Variants in CATSPERE observed in about 807,000 individuals in gnomAD.
CATSPERE encodes the protein cation channel sperm-associated auxiliary subunit epsilon.
CATSPERE carries 93 observed loss-of-function variants against 114.1 expected under a neutral mutation model. The observed-to-expected ratio is 0.81, with a 90% CI of 0.69 to 0.97. The LOEUF (loss-of-function observed/expected upper bound fraction) is 0.97. Ranked by LOEUF, CATSPERE falls within the 50% of genes least tolerant of loss-of-function variation. The pLI is 0.00. For synonymous variants in CATSPERE, 341 were observed against 384.1 expected (o/e 0.89, Z 1.31); for missense variants, 1,058 against 1,131.6 (o/e 0.93, Z 0.93).
chr1:244,465,420 T>A (rs990485378), intron 2 of CATSPERE, among the ~76,000 whole-genome samples: 3 of 152,234 alleles, frequency 2.0e-5, no homozygotes, highest in Non-Finnish European at 4.4e-5. Context: ...TTTTTACCTT[T>A]AAAATATAGG....
At chr1:244,637,202 A>G (rs1674736259) in intron 21 of CATSPERE, among the ~76,000 whole-genome samples, 1 of 151,876 alleles carries the variant, frequency 6.6e-6, no homozygotes, top group South Asian at 2.1e-4. Flanking sequence ...CACAAAACCT[A>G]CCCGATCCTT....
rs1572771097 is a variant in CATSPERE, at chr1:244,563,752, T to C, written c.1507+2607T>C. ...AGTTTCTTTTGCTGTGCAGAAGCTC[T>C]TTAGTTTAATTAGATCCCATTTGTC... On this transcript the variant is annotated intron_variant, in intron 10 of 21. Transcript: ENST00000366534. Among the ~76,000 whole-genome samples the C allele has an allele frequency of 2.0e-5, 3 of 152,242 alleles. No individual in the cohort carries two copies. In the East Asian group the frequency reaches 5.8e-4, roughly 29 times the overall value.
intron 7 of CATSPERE, among the ~76,000 whole-genome samples, chr1:244,515,680 G>T (rs1262685790): frequency 6.6e-6 from 1 of 152,068 alleles, no homozygotes; most frequent in Non-Finnish European, 1.5e-5. Context: ...AAGTAAGAAT[G>T]TTTCAAACGG....
At chr1:244,505,936 G>A (rs773719069) in intron 7 of CATSPERE, among the ~76,000 whole-genome samples, 6 of 152,092 alleles carry the variant, frequency 3.9e-5, no homozygotes, top group Non-Finnish European at 5.9e-5. Flanking sequence ...AACCCGGGAG[G>A]CGGAGGTTGC....
At chr1:244,584,114 T>C (rs1463159575) in intron 13 of CATSPERE, among the ~76,000 whole-genome samples, 175 bp downstream of exon 13, 1 of 152,194 alleles carries the variant, frequency 6.6e-6, no homozygotes, top group African/African-American at 2.4e-5. Context: ...TCTGCACTTA[T>C]TTCTTCAAAA....
chr1:244,596,789 A>AG (rs1490639431), intron 17 of CATSPERE, among the ~76,000 whole-genome samples: 112 of 152,018 alleles, frequency 7.4e-4, no homozygotes, highest in African/African-American at 2.6e-3. Flanking sequence ...AAAAAAAAAA[A>AG]AAAGAAAATG....
chr1:244,491,433 A>G (rs974229942), intron 6 of CATSPERE, among the ~76,000 whole-genome samples: 18 of 152,128 alleles, frequency 1.2e-4, no homozygotes, highest in African/African-American at 3.4e-4. Context: ...TCTCTGGGAC[A>G]CATTCAAAGC....
chr1:244,550,753 C>T (rs1478294243), intron 8 of CATSPERE, among the ~76,000 whole-genome samples: 3 of 152,168 alleles, frequency 2.0e-5, no homozygotes, highest in African/African-American at 7.2e-5. Flanking sequence ...GTCCGCTTCA[C>T]CTGGGTCCTG....
At chr1:244,500,630 G>A (rs1673886594) in intron 7 of CATSPERE, among the ~76,000 whole-genome samples, 1 of 152,098 alleles carries the variant, frequency 6.6e-6, no homozygotes, top group Non-Finnish European at 1.5e-5. Context: ...ATTTTTGTCA[G>A]GTTTGTCGAA....
intron 8 of CATSPERE, among the ~76,000 whole-genome samples, chr1:244,542,036 T>C (rs187725510): frequency 0.056 from 7,840 of 140,480 alleles, 817 homozygotes; most frequent in African/African-American, 0.2. Context: ...AGGGATAGCA[T>C]TGGGAGATAT....
chr1:244,523,304 T>C (rs1677926789), intron 8 of CATSPERE, among the ~76,000 whole-genome samples: 1 of 146,514 alleles, frequency 6.8e-6, no homozygotes, highest in Non-Finnish European at 1.5e-5. Context: ...TGCTAAAAAC[T>C]CTCAGTAAAT....
intron 6 of CATSPERE, among the ~76,000 whole-genome samples, chr1:244,495,972 C>T (rs942382032): frequency 1.3e-5 from 2 of 152,122 alleles, no homozygotes; most frequent in Admixed American, 6.6e-5. Flanking sequence ...AGCGCCCAGG[C>T]GGAAGTGATT....
At chr1:244,612,134 A>G (rs944167825) in intron 19 of CATSPERE, among the ~76,000 whole-genome samples, 3 of 152,168 alleles carry the variant, frequency 2.0e-5, no homozygotes, top group Non-Finnish European at 2.9e-5. Context: ...AGAAGCTTAA[A>G]GCTTACCACT....
intron 13 of CATSPERE, among the ~76,000 whole-genome samples, chr1:244,586,895 G>A (rs934413242): frequency 6.6e-6 from 1 of 152,158 alleles, no homozygotes; most frequent in African/African-American, 2.4e-5. Flanking sequence ...AAGCAGCCAT[G>A]ACTCTCTGCC....
chr1:244,615,444 C>A (rs1671253857), intron 19 of CATSPERE, among the ~76,000 whole-genome samples: 1 of 151,662 alleles, frequency 6.6e-6, no homozygotes, highest in African/African-American at 2.4e-5. Flanking sequence ...GCAATTTTGT[C>A]ATTATGCAAA....
Position 244,580,211 on chromosome 1 carries a change from ATT to A in CATSPERE, c.1951-1565_1951-1564del, listed in dbSNP as rs747379847. ...GCCACCATGCCTGGCTAATTTTTGT[ATT>A]TTTTTTTTTTTTTTTTTTTAGTAGA... is the stretch of plus-strand genomic sequence containing the variant. On this transcript the variant is annotated intron_variant, in intron 11 of 21. Coordinates refer to ENST00000366534, the MANE Select transcript of CATSPERE (RefSeq NM_001130957.2). Among the ~76,000 whole-genome samples the A allele has an allele frequency of 2.8e-3, 314 of 110,810 alleles. 2 individuals are homozygous for A. Among genetic ancestry groups the A allele is most frequent in the African/African-American group, 9.1e-3 (284 of 31,124 alleles). 72.7% of individuals were successfully genotyped at this position (110,810 alleles called of 152,430 possible).
chr1:244,581,794 A>T lies in CATSPERE; in HGVS notation c.1951-2A>T. ...CATAAATTTTAAATTTTCTTTTTTC[A>T]GACACTAACATTTTATCAGAATGTA... On this transcript the variant is annotated splice_acceptor_variant, in intron 11 of 21. Transcript: ENST00000366534. LOFTEE classifies it high-confidence loss of function. The T allele has an allele frequency of 7.7e-7, 1 of 1,300,454 alleles. No homozygotes were observed. Among genetic ancestry groups the T allele is most frequent in the African/African-American group, 1.5e-5 (1 of 68,254 alleles). The allele number at this position is 1,300,454 out of a possible 1,614,324, so 80.6% of individuals were successfully genotyped here.
intron 8 of CATSPERE, among the ~76,000 whole-genome samples, chr1:244,548,126 C>G (rs534486466): frequency 1.3e-5 from 2 of 152,284 alleles, no homozygotes; most frequent in African/African-American, 4.8e-5. Context: ...TATTTGTATC[C>G]CATCTGAATG....
chr1:244,455,578 T>C (rs369228127), intron 1 of CATSPERE, among the ~76,000 whole-genome samples: 3 of 147,696 alleles, frequency 2.0e-5, no homozygotes, highest in Admixed American at 6.7e-5. Flanking sequence ...GCTGTAGGTA[T>C]ATTTAAAAGG....
Sources: allele counts gnomAD v4.1 joint callset (sites outside exome capture counted in the v4.1 genomes callset), GRCh38; gene constraint gnomAD v4.1.1; transcripts MANE v1.5; gene names NCBI Gene and HGNC (gene_info 2026-07-23, HGNC 2026-07-21).